The following NKAIN3 variants were observed in gnomAD, a reference collection of about 807,000 sequenced individuals.
The protein encoded by NKAIN3 is sodium/potassium transporting ATPase interacting 3.
NKAIN3 carries 25 observed loss-of-function variants against 30.2 expected under a neutral mutation model. That is an observed-to-expected ratio of 0.83 (90% CI 0.60 to 1.16). The LOEUF is 1.16. Among genes scored for constraint, NKAIN3 ranks in the 50% most tolerant of loss-of-function variants. The pLI is 0.00. For synonymous variants in NKAIN3, 91 were observed against 89.6 expected (o/e 1.02, Z -0.09); for missense variants, 225 against 254.1 (o/e 0.89, Z 0.78).
At chr8:62,895,448 C>A (rs1821403387) in intron 4 of NKAIN3, among the ~76,000 whole-genome samples, 1 of 152,194 alleles carries the variant, frequency 6.6e-6, no homozygotes, top group Non-Finnish European at 1.5e-5. Context: ...AATCTCAGCT[C>A]TTCTCCAAGT....
chr8:62,754,765 T>C (rs563187598), intron 4 of NKAIN3, among the ~76,000 whole-genome samples: 2 of 152,174 alleles, frequency 1.3e-5, no homozygotes, highest in Non-Finnish European at 2.9e-5. Flanking sequence ...AAAAGTAATA[T>C]TAGACCACAA....
intron 1 of NKAIN3, among the ~76,000 whole-genome samples, chr8:62,436,634 A>G (rs935193575): frequency 2.6e-5 from 4 of 152,266 alleles, no homozygotes; most frequent in Non-Finnish European, 5.9e-5. Context: ...ATTAGAGACC[A>G]TCTTCTTTTT....
intron 5 of NKAIN3, among the ~76,000 whole-genome samples, chr8:62,936,097 G>A (rs757393963): frequency 1.3e-5 from 2 of 152,078 alleles, no homozygotes; most frequent in African/African-American, 2.4e-5. Flanking sequence ...AAGCAAAAAT[G>A]TAACCACCGC....
Position 62,491,208 on chromosome 8 carries a change from A to G in NKAIN3, c.55-88331A>G, listed in dbSNP as rs145523259. ...ATAAATCTCAGTGTGCTTCTTCCTA[A>G]GAAGTGGACCTCTAATCACCTCCAC... On this transcript the variant is annotated intron_variant, in intron 1 of 6. Coordinates refer to ENST00000623646, the MANE Select transcript of NKAIN3 (RefSeq NM_001304533.3). Among the ~76,000 whole-genome samples, 496 of 152,272 alleles carry G rather than the reference A, an allele frequency of 3.3e-3. 2 individuals carry two copies. The highest frequency in any genetic ancestry group is 0.011 in the African/African-American group (469 of 41,542).
At chr8:62,484,880 G>A (rs573319083) in intron 1 of NKAIN3, among the ~76,000 whole-genome samples, 1 of 152,300 alleles carries the variant, frequency 6.6e-6, no homozygotes, top group South Asian at 2.1e-4. Context: ...CAATGGTCCA[G>A]GGAGGGGCTC....
At chr8:62,903,755 C>T (rs1389243576) in intron 4 of NKAIN3, among the ~76,000 whole-genome samples, 2 of 152,146 alleles carry the variant, frequency 1.3e-5, no homozygotes, top group African/African-American at 4.8e-5. Context: ...CACAGTTCAT[C>T]ATGGTTGGGG....
At chr8:62,443,409 A>C (rs1455242529) in intron 1 of NKAIN3, among the ~76,000 whole-genome samples, 1 of 151,960 alleles carries the variant, frequency 6.6e-6, no homozygotes, top group Admixed American at 6.6e-5. Flanking sequence ...TTTGAGACAA[A>C]GTCTCACTCT....
intron 4 of NKAIN3, among the ~76,000 whole-genome samples, chr8:62,749,682 T>TTC (rs1554573742): frequency 2.0e-4 from 23 of 115,008 alleles, no homozygotes; most frequent in South Asian, 4.9e-4. Flanking sequence ...TTCTTTTCTT[T>TTC]TTTTTTTTTT....
intron 1 of NKAIN3, among the ~76,000 whole-genome samples, chr8:62,463,411 T>G (rs1806058403): frequency 6.6e-6 from 1 of 152,222 alleles, no homozygotes; most frequent in Non-Finnish European, 1.5e-5. Flanking sequence ...CACTATCATA[T>G]TATAACAGTG....
intron 4 of NKAIN3, among the ~76,000 whole-genome samples, chr8:62,814,308 C>T (rs1290750133): frequency 6.9e-6 from 1 of 145,256 alleles, no homozygotes; most frequent in African/African-American, 2.7e-5. Context: ...TTCTGTATGT[C>T]TCATAGGCTT....
chr8:62,686,622 T>C (rs1813808363), intron 3 of NKAIN3, among the ~76,000 whole-genome samples: 4 of 152,208 alleles, frequency 2.6e-5, no homozygotes, highest in African/African-American at 2.4e-5. Flanking sequence ...GGAAAATAGA[T>C]GAAGACAGTC....
At chr8:62,544,744 G>A (rs1202714818) in intron 1 of NKAIN3, among the ~76,000 whole-genome samples, 2 of 151,672 alleles carry the variant, frequency 1.3e-5, no homozygotes, top group African/African-American at 2.4e-5. Flanking sequence ...AACAACATGG[G>A]GCACTGATTC....
chr8:62,738,800 T>C (rs770921819), intron 3 of NKAIN3, among the ~76,000 whole-genome samples: 1 of 152,182 alleles, frequency 6.6e-6, no homozygotes, highest in Non-Finnish European at 1.5e-5. Flanking sequence ...GTTGATAGTT[T>C]AGTTTCTTTT....
intron 3 of NKAIN3, among the ~76,000 whole-genome samples, chr8:62,686,505 C>G (rs1813804470): frequency 6.6e-6 from 1 of 152,178 alleles, no homozygotes; most frequent in Admixed American, 6.5e-5. Context: ...CACCACTACT[C>G]TTACTGCAGC....
At chr8:62,934,714 A>G (rs1034762124) in intron 5 of NKAIN3, among the ~76,000 whole-genome samples, 1 of 152,168 alleles carries the variant, frequency 6.6e-6, no homozygotes, top group Non-Finnish European at 1.5e-5. Flanking sequence ...CACTGAAAAC[A>G]ATTGGAAAAA....
chr8:62,447,177 A>G lies in NKAIN3; in HGVS notation c.55-132362A>G, dbSNP rs180878648. On this transcript the variant is annotated intron_variant, in intron 1 of 6. Transcript: ENST00000623646. ...CCTAGACAAAATCGGCACAAAACAGAACTATCCCAGGCAAACCAGGTCATG... is the reference window on the plus strand; with the variant it reads ...CCTAGACAAAATCGGCACAAAACAGGACTATCCCAGGCAAACCAGGTCATG... Among the ~76,000 whole-genome samples the G allele has an allele frequency of 1.9e-3, 292 of 152,186 alleles. 1 individual carries two copies. The highest frequency in any genetic ancestry group is 3.6e-3 in the Non-Finnish European group (246 of 67,916).
chr8:62,594,143 A>G (rs999438249), intron 3 of NKAIN3, among the ~76,000 whole-genome samples: 2 of 152,006 alleles, frequency 1.3e-5, no homozygotes, highest in African/African-American at 4.8e-5. Flanking sequence ...TTCAAAAAAA[A>G]GGTCAGGGTG....
chr8:62,434,090 G>A (rs977035387), intron 1 of NKAIN3, among the ~76,000 whole-genome samples: 6 of 152,092 alleles, frequency 3.9e-5, no homozygotes, highest in African/African-American at 1.2e-4. Flanking sequence ...AAGAGAAAAC[G>A]ACAAGATCCA....
chr8:62,494,732 C>T (rs1454625009), intron 1 of NKAIN3, among the ~76,000 whole-genome samples: 1 of 151,932 alleles, frequency 6.6e-6, no homozygotes, highest in Non-Finnish European at 1.5e-5. Context: ...CTGGTTCAGT[C>T]TTAGGAGGGT....
Sources: allele counts gnomAD v4.1 joint callset (sites outside exome capture counted in the v4.1 genomes callset), GRCh38; gene constraint gnomAD v4.1.1; transcripts MANE v1.5; gene names NCBI Gene and HGNC (gene_info 2026-07-23, HGNC 2026-07-21).